EPHA10: variants seen among roughly 807,000 people sequenced by gnomAD.
The protein encoded by EPHA10 is EPH receptor A10, also known as ephrin type-A receptor 10.
A neutral mutation model predicts 109.7 loss-of-function variants in EPHA10; 120 were observed. That is an observed-to-expected ratio of 1.09 (90% confidence interval 0.94 to 1.27). EPHA10 has a LOEUF of 1.27. Ranked by LOEUF, EPHA10 falls within the 50% of genes most tolerant of loss-of-function variation. EPHA10 has a pLI of 0.00. For synonymous variants in EPHA10, 640 were observed against 618.9 expected (o/e 1.03, Z -0.51); for missense variants, 1,396 against 1,411.1 (o/e 0.99, Z 0.17).
Position 37,753,167 on chromosome 1 carries a change from G to C in EPHA10, c.1066C>G (p.Arg356Gly). Residue 356 changes from arginine (R) to glycine (G), a missense_variant, in exon 5 of 17, where the codon CGA becomes GGA. Transcript: ENST00000373048. ...YSLSRSPLVL[R>G]LRWLPPADSG... ...TCGGCCGGCGGCAGCCAGCGCAGTC[G>C]CAGCACCAGCGGCGAGCGGCTCAGG... The C allele has an allele frequency of 7.1e-7, 1 of 1,405,418 alleles. No individual in the cohort carries two copies. The allele number at this position is 1,405,418 out of a possible 1,614,324, so 87.1% of individuals were successfully genotyped here. A position where few individuals can be genotyped will look rare whatever the true frequency, so the allele number is the denominator to read the frequency against.
At chr1:37,723,973 C>T (rs1645846160) in intron 8 of EPHA10, among the ~76,000 whole-genome samples, 1 of 152,228 alleles carries the variant, frequency 6.6e-6, no homozygotes, top group African/African-American at 2.4e-5. Flanking sequence ...GCCTTGCTGG[C>T]CAAGATAAAG....
At chr1:37,718,881 C>T (rs942852314) in intron 15 of EPHA10, 65 bp from the exon 16 acceptor site, 10 of 1,523,154 alleles carry the variant, frequency 6.6e-6, no homozygotes, top group Admixed American at 2.1e-5. Context: ...GGTGGTCTCC[C>T]GGGGAGAGGC....
chr1:37,735,082 G>C (rs1646046668), intron 6 of EPHA10, among the ~76,000 whole-genome samples, 175 bp downstream of exon 6: 1 of 152,186 alleles, frequency 6.6e-6, no homozygotes, highest in Non-Finnish European at 1.5e-5. Flanking sequence ...GAGGGAGGAA[G>C]AGCAGGAGTC....
intron 6 of EPHA10, among the ~76,000 whole-genome samples, chr1:37,735,006 G>A (rs1408806118): frequency 3.3e-5 from 5 of 152,138 alleles, no homozygotes; most frequent in African/African-American, 2.4e-5. Flanking sequence ...AAAGCTCTTT[G>A]TCAACCGAAA....
Position 37,764,074 on chromosome 1 carries a change from G to A in EPHA10, c.106+887C>T, listed in dbSNP as rs1569777264. 6.6e-6 allele frequency among the ~76,000 whole-genome samples: 1 copy of A among 152,198 alleles called. No homozygotes were observed. On this transcript the variant is annotated intron_variant, in intron 1 of 16. Coordinates refer to ENST00000373048, the MANE Select transcript of EPHA10 (RefSeq NM_001099439.2). The surrounding 1 kb of genome is among the most constrained non-coding windows in gnomAD (Gnocchi z 5.8). ...TGGACAGCAGAGTCCGCAGACCAGA[G>A]ACAGGAGGTCAGGACACCCCGGAGT...
chr1:37,731,334 T>C, intron 7 of EPHA10, 77 bp downstream of exon 7: 1 of 1,430,884 alleles, frequency 7.0e-7, no homozygotes, highest in Non-Finnish European at 9.3e-7. Flanking sequence ...ACTCTCCCCC[T>C]CTATTTGTCT....
At chr1:37,751,214 A>AG (rs1553139939) in intron 5 of EPHA10, among the ~76,000 whole-genome samples, 2 of 122,528 alleles carry the variant, frequency 1.6e-5, no homozygotes, top group African/African-American at 6.2e-5. Context: ...AAAAAAAAAA[A>AG]AAAGAAAGAA....
rs12726343 is a variant in EPHA10 at position 37,720,534 on chromosome 1, C to T, written c.2229G>A (p.Val743=). Residue 743 remains valine, a synonymous_variant, in exon 13 of 17, where the codon GTG becomes GTA. Transcript: ENST00000373048. ...GCAGCAACCCCATCAGTTGCCCAGC[C>T]ACCAGCTGCCCCTCGTGCCGCTGTG... is the stretch of plus-strand genomic sequence containing the variant. The part of the protein sequence containing the change: ...GFLRRHEGQL[V]AGQLMGLLPG... The T allele has an allele frequency of 6.2e-7, 1 of 1,611,658 alleles. No homozygotes were observed. The highest frequency in any genetic ancestry group is 8.5e-7 in the Non-Finnish European group (1 of 1,179,180).
chr1:37,747,552 CAAAAAAAAAA>C (rs35864756), intron 5 of EPHA10, among the ~76,000 whole-genome samples: 1 of 108,576 alleles, frequency 9.2e-6, no homozygotes, highest in Non-Finnish European at 1.9e-5. Context: ...GAAACTGTCT[CAAAAAAAAAA>C]AAAAAAAACT....
rs16824420 is a variant in EPHA10 at position 37,723,025 on chromosome 1, T to C, written c.1960+16A>G. ...GCTTCCAGATGGGGACAAGGCTTCC[T>C]GGGCGCCCAGCTTGCCTCCTCCAAG... On this transcript the variant is annotated intron_variant, in intron 10 of 16. Coordinates refer to ENST00000373048, the MANE Select transcript of EPHA10 (RefSeq NM_001099439.2). 137,154 of 1,613,736 alleles carry C rather than the reference T, an allele frequency of 0.085. 6,372 individuals are homozygous for C. The highest frequency in any genetic ancestry group is 0.11 in the Middle Eastern group (694 of 6,060).
rs546453189 is a variant in EPHA10 at position 37,721,760 on chromosome 1, G to A, written c.2046C>T (p.Ser682=). ...LLVAVHMLRD[S]ASDSQRLGFL... ...AGCCGAGCCTCTGTGAGTCGGAGGCGCTGTCCCTCAGCATATGCACGGCTA... is the reference window on the plus strand; with the variant it reads ...AGCCGAGCCTCTGTGAGTCGGAGGCACTGTCCCTCAGCATATGCACGGCTA... Residue 682 remains serine, a synonymous_variant, in exon 11 of 17, where the codon AGC becomes AGT. Transcript: ENST00000373048. 102 of 1,612,450 alleles carry A rather than the reference G, an allele frequency of 6.3e-5. 1 individual carries two copies. The South Asian group carries it at 7.6e-4, about 12-fold the overall frequency.
chr1:37,714,030 T>C (rs963165218), downstream of EPHA10: 2 of 152,196 alleles, frequency 1.3e-5, no homozygotes, highest in African/African-American at 2.4e-5. Flanking sequence ...GCATCTTAGA[T>C]TCAAAGAAAC....
chr1:37,731,581 C>T lies in EPHA10; in HGVS notation c.1493G>A (p.Gly498Asp). Residue 498 changes from glycine (G) to aspartate (D), a missense_variant and splice_region_variant, in exon 7 of 17, where the codon GGT (glycine) becomes GAT (aspartate). Gly to Asp is a moderately conservative substitution (Grantham distance 94, BLOSUM62 -1). Coordinates refer to ENST00000373048, the MANE Select transcript of EPHA10 (RefSeq NM_001099439.2). ...TEYEIRYYEK[G>D]QSEQTYSMVK... ...CATGGAGTAAGTCTGCTCACTCTGA[C>T]CCTGGAGAGAGATCAAGAAGTGAAG... 6.2e-7 allele frequency: 1 copy of T among 1,602,820 alleles called. No individual in the cohort carries two copies. Among genetic ancestry groups the T allele is most frequent in the South Asian group, 1.1e-5 (1 of 89,768 alleles).
At chr1:37,721,885 T>G in intron 10 of EPHA10, 40 bp from the exon 11 acceptor site, 1 of 1,475,340 alleles carries the variant, frequency 6.8e-7, no homozygotes, top group Non-Finnish European at 9.0e-7. Flanking sequence ...CAGAGGCCAC[T>G]GCCCTGGCTG....
Position 37,749,251 on chromosome 1 carries a change from A to C in EPHA10, c.1357+3625T>G, listed in dbSNP as rs536327783. ...TTTCAATGAATTAATGTAGAAAATC[A>C]TATTGCACAGTGCCAAATACAGCAG... On this transcript the variant is annotated intron_variant, in intron 5 of 16. Transcript: ENST00000373048. Among the ~76,000 whole-genome samples the C allele has an allele frequency of 1.8e-3, 273 of 152,116 alleles. 1 individual carries two copies. The highest frequency in any genetic ancestry group is 6.4e-3 in the African/African-American group (265 of 41,506).
intron 8 of EPHA10, among the ~76,000 whole-genome samples, chr1:37,725,506 CAAAA>C (rs536628850): frequency 6.6e-4 from 37 of 56,424 alleles, no homozygotes; most frequent in African/African-American, 2.6e-3. Context: ...GGCTCCATCT[CAAAA>C]AAAAAAAAAA....
At chr1:37,761,152 T>A in intron 3 of EPHA10, 2 of 1,357,448 alleles carry the variant, frequency 1.5e-6, no homozygotes, top group South Asian at 4.2e-5. Context: ...AGAAGGCCTG[T>A]GCAAGGTGCC....
At chr1:37,752,724 T>C (rs1469169840) in intron 5 of EPHA10, 152 bp downstream of exon 5, 3 of 429,094 alleles carry the variant, frequency 7.0e-6, no homozygotes, top group Non-Finnish European at 1.0e-5. Flanking sequence ...GGGGGTGACT[T>C]TGTGTCCCGG....
rs771559831 is a variant in EPHA10 at position 37,764,743 on chromosome 1, A to G, written c.106+218T>C. 1.6e-4 allele frequency among the ~76,000 whole-genome samples: 23 copies of G among 147,752 alleles called. No individual in the cohort carries two copies. The highest frequency in any genetic ancestry group is 3.5e-4 in the African/African-American group (14 of 39,844). ...CGGTTCCTGGCCTCTTTCTTTCCCA[A>G]CCTCCCGGGTCTCCAGCCCCCAAGC... On this transcript the variant is annotated intron_variant, in intron 1 of 16. Transcript: ENST00000373048. The surrounding 1 kb of genome is among the most constrained non-coding windows in gnomAD (Gnocchi z 5.8).
Sources: gnomAD v4.1 joint callset for allele counts (sites outside exome capture counted in the v4.1 genomes callset) on GRCh38, gnomAD v4.1.1 for gene constraint, Gnocchi (gnomAD v3.1) non-coding constraint, MANE v1.5 for transcripts, NCBI Gene and HGNC (gene_info 2026-07-23, HGNC 2026-07-21) for gene names.